BNC2: variants seen among roughly 807,000 people sequenced by gnomAD.
BNC2 encodes zinc finger protein basonuclin-2.
In BNC2, 20 loss-of-function variants were observed where a neutral mutation model predicts 76.3. The observed-to-expected ratio is 0.26, with a 90% CI of 0.18 to 0.38. The LOEUF (loss-of-function observed/expected upper bound fraction) is 0.38, where lower values mean the gene tolerates loss of function less well. BNC2 is among the 10% of genes least tolerant of loss of function. The pLI, the probability that BNC2 is intolerant of heterozygous loss-of-function variation, is 1.00. For missense variants in BNC2, 1,382 were observed against 1,399.8 expected (o/e 0.99, Z 0.20); for synonymous variants, 582 against 514.8 (o/e 1.13, Z -1.77).
intron 1 of BNC2, among the ~76,000 whole-genome samples, chr9:16,787,860 T>C (rs1034083679): frequency 1.3e-5 from 2 of 152,156 alleles, no homozygotes; most frequent in African/African-American, 4.8e-5. Context: ...CCTTAGACAA[T>C]ATTAATCAAG....
At chr9:16,845,493 G>A (rs571286697) in intron 1 of BNC2, among the ~76,000 whole-genome samples, 31 of 152,134 alleles carry the variant, frequency 2.0e-4, no homozygotes, top group South Asian at 8.3e-4. Context: ...AGGCCAAGGC[G>A]GGCGGATCAC....
intron 1 of BNC2, among the ~76,000 whole-genome samples, chr9:16,826,607 C>T (rs961919484): frequency 6.6e-6 from 1 of 152,070 alleles, no homozygotes; most frequent in African/African-American, 2.4e-5. Flanking sequence ...GACTCTTTTA[C>T]TTTTTACTTT....
chr9:16,847,022 AT>A (rs1331376964), intron 1 of BNC2, among the ~76,000 whole-genome samples: 1 of 152,202 alleles, frequency 6.6e-6, no homozygotes, highest in Non-Finnish European at 1.5e-5. Flanking sequence ...TAGATAATAT[AT>A]TTAAAATAGT....
At chr9:16,839,543 C>T (rs1032157596) in intron 1 of BNC2, among the ~76,000 whole-genome samples, 1 of 152,216 alleles carries the variant, frequency 6.6e-6, no homozygotes, top group African/African-American at 2.4e-5. Flanking sequence ...ATGTTTGACT[C>T]ACACAGATAT....
intron 4 of BNC2, among the ~76,000 whole-genome samples, chr9:16,574,298 G>A (rs763765661): frequency 6.6e-6 from 1 of 152,126 alleles, no homozygotes; most frequent in Non-Finnish European, 1.5e-5. Flanking sequence ...CGAGCCCATC[G>A]AAGCACTTCA....
At chr9:16,857,430 T>C (rs1586940499) in intron 1 of BNC2, among the ~76,000 whole-genome samples, 3 of 140,458 alleles carry the variant, frequency 2.1e-5, no homozygotes, top group African/African-American at 8.1e-5. Flanking sequence ...TGAGCCGACA[T>C]TGTGCCACTG....
intron 1 of BNC2, among the ~76,000 whole-genome samples, chr9:16,800,904 T>C (rs1817764399): frequency 1.3e-5 from 2 of 152,352 alleles, no homozygotes; most frequent in South Asian, 4.1e-4. Context: ...GAAGCTATTC[T>C]ATCAGGCAAC....
At chr9:16,492,351 C>T (rs909268575) in intron 5 of BNC2, among the ~76,000 whole-genome samples, 1 of 152,162 alleles carries the variant, frequency 6.6e-6, no homozygotes, top group African/African-American at 2.4e-5. Context: ...ATGAGCACAA[C>T]CATCCATACT....
At chr9:16,785,699 T>C (rs1826272597) in intron 1 of BNC2, among the ~76,000 whole-genome samples, 2 of 151,690 alleles carry the variant, frequency 1.3e-5, no homozygotes. Context: ...TATGTATTTA[T>C]TTACGAAAGA....
chr9:16,643,305 CAAAAAAA>C (rs34196473), intron 3 of BNC2, among the ~76,000 whole-genome samples: 1 of 121,582 alleles, frequency 8.2e-6, no homozygotes, highest in Non-Finnish European at 1.8e-5. Flanking sequence ...GACTCTGTCT[CAAAAAAA>C]AAAAAAAAAA....
At chr9:16,608,185 C>A (rs1178466567) in intron 3 of BNC2, among the ~76,000 whole-genome samples, 1 of 152,092 alleles carries the variant, frequency 6.6e-6, no homozygotes, top group East Asian at 1.9e-4. Context: ...TTCCTACTTC[C>A]TATTTTTAAG....
intron 5 of BNC2, among the ~76,000 whole-genome samples, chr9:16,481,720 T>C (rs1010880704): frequency 2.0e-5 from 3 of 152,142 alleles, no homozygotes; most frequent in African/African-American, 7.2e-5. Flanking sequence ...CAACAAGTTG[T>C]TAGTTTCTGA....
chr9:16,613,208 G>C (rs1820601105), intron 3 of BNC2, among the ~76,000 whole-genome samples: 1 of 152,116 alleles, frequency 6.6e-6, no homozygotes, highest in Non-Finnish European at 1.5e-5. Flanking sequence ...CTAATTATTA[G>C]AGCCTGTATG....
intron 1 of BNC2, among the ~76,000 whole-genome samples, chr9:16,785,559 T>A (rs1262026154): frequency 2.9e-3 from 3 of 1,022 alleles, no homozygotes; most frequent in African/African-American, 0.019. Flanking sequence ...TACACCCGGC[T>A]TTTTTTTTTT....
At chr9:16,506,446 T>C (rs1822625321) in intron 5 of BNC2, among the ~76,000 whole-genome samples, 1 of 150,612 alleles carries the variant, frequency 6.6e-6, no homozygotes, top group South Asian at 2.1e-4. Context: ...CTGTGTCATC[T>C]GGCAAGTTGA....
chr9:16,478,602 T>C (rs1821977755), intron 5 of BNC2, among the ~76,000 whole-genome samples: 1 of 152,234 alleles, frequency 6.6e-6, no homozygotes, highest in Admixed American at 6.5e-5. Flanking sequence ...ACAGTGTTAG[T>C]GTAACAGAAT....
chr9:16,742,986 G>C (rs140152256), intron 1 of BNC2, among the ~76,000 whole-genome samples: 1 of 152,260 alleles, frequency 6.6e-6, no homozygotes, highest in East Asian at 1.9e-4. Context: ...AGGAAGCATG[G>C]ACCTCATGAG....
intron 5 of BNC2, among the ~76,000 whole-genome samples, chr9:16,493,712 A>G (rs1304674569): frequency 2.6e-5 from 4 of 152,220 alleles, no homozygotes; most frequent in African/African-American, 9.6e-5. Flanking sequence ...GGTTGCTCCC[A>G]TGCTGGGAAA....
intron 5 of BNC2, among the ~76,000 whole-genome samples, chr9:16,538,716 G>C (rs1317235511): frequency 6.6e-6 from 1 of 152,114 alleles, no homozygotes; most frequent in Non-Finnish European, 1.5e-5. Flanking sequence ...AATTCAAAAA[G>C]TGGGGGCCAG....
Sources: gnomAD v4.1 joint callset for allele counts (sites outside exome capture counted in the v4.1 genomes callset) on GRCh38, gnomAD v4.1.1 for gene constraint, MANE v1.5 for transcripts, NCBI Gene and HGNC (gene_info 2026-07-23, HGNC 2026-07-21) for gene names.